DNAH7: variants seen among roughly 807,000 people sequenced by gnomAD.
The protein encoded by DNAH7 is dynein axonemal heavy chain 7, also known as axonemal beta dynein heavy chain 7.
Under a neutral mutation model 444.6 loss-of-function variants are expected in DNAH7, and 397 were observed. The ratio of observed to expected loss-of-function variants is 0.89; its 90% CI spans 0.82 to 0.97. The LOEUF (loss-of-function observed/expected upper bound fraction) is 0.97, where lower values mean the gene tolerates loss of function less well. DNAH7 is among the 50% of genes least tolerant of loss of function. DNAH7 has a pLI of 0.00. For synonymous variants in DNAH7, 1,636 were observed against 1,624.4 expected (o/e 1.01, Z -0.17); for missense variants, 4,902 against 4,800.8 (o/e 1.02, Z -0.62).
At chr2:195,861,569 T>C (rs1055652477) in intron 42 of DNAH7, 148 bp downstream of exon 42, 1 of 649,732 alleles carries the variant, frequency 1.5e-6, no homozygotes, top group Non-Finnish European at 2.6e-6. Flanking sequence ...AAATTCAAAA[T>C]GTCTGTGGAT....
At chr2:195,832,297 C>T (rs996237251) in intron 48 of DNAH7, among the ~76,000 whole-genome samples, 1 of 152,080 alleles carries the variant, frequency 6.6e-6, no homozygotes, top group Non-Finnish European at 1.5e-5. Context: ...TCACAGAAAT[C>T]TCCAGAATGT....
chr2:195,920,200 AG>A (rs1211862685), intron 24 of DNAH7, among the ~76,000 whole-genome samples: 2 of 152,192 alleles, frequency 1.3e-5, no homozygotes, highest in Non-Finnish European at 2.9e-5. Flanking sequence ...TCACAGAACT[AG>A]AAAAAAAAAT....
Position 195,790,095 on chromosome 2 carries a change from C to A in DNAH7, c.10717-2924G>T, listed in dbSNP as rs151335103. Among the ~76,000 whole-genome samples the A allele has an allele frequency of 1.7e-3, 264 of 152,080 alleles. 1 individual carries two copies. The highest frequency in any genetic ancestry group is 1.9e-3 in the Non-Finnish European group (131 of 67,892). Reference sequence around the variant, plus strand: ...TATAATAGCTGCCTCCCACCCCACACAATACTTAAGAATACATTTAACTAA... The same window carrying A: ...TATAATAGCTGCCTCCCACCCCACAAAATACTTAAGAATACATTTAACTAA... On this transcript the variant is annotated intron_variant, in intron 57 of 64. Coordinates refer to ENST00000312428, the MANE Select transcript of DNAH7 (RefSeq NM_018897.3).
intron 17 of DNAH7, among the ~76,000 whole-genome samples, chr2:195,966,966 ATAAG>A (rs777236243): frequency 6.6e-6 from 1 of 151,944 alleles, no homozygotes; most frequent in Non-Finnish European, 1.5e-5. Flanking sequence ...ATTATTATTG[ATAAG>A]TAAGGAGTTA....
Position 195,934,662 on chromosome 2 carries a change from C to T in DNAH7, c.3400G>A (p.Ala1134Thr), listed in dbSNP as rs374966344. Residue 1134 changes from alanine (A) to threonine (T), a missense_variant, in exon 21 of 65, where the codon GCC (alanine) becomes ACC (threonine). Coordinates refer to ENST00000312428, the MANE Select transcript of DNAH7 (RefSeq NM_018897.3). ...VVELIEIIST[A>T]KARGQVEKWL... ...TTCTCCACTTGACCTCTGGCTTTGG[C>T]TGTTGAAATAATCTCTATGAGTTCT... 2 of 1,614,014 alleles carry T rather than the reference C, an allele frequency of 1.2e-6. No homozygotes were observed. The highest frequency in any genetic ancestry group is 1.3e-5 in the African/African-American group (1 of 74,938).
chr2:195,953,508 GT>G (rs1690413126), intron 19 of DNAH7, among the ~76,000 whole-genome samples: 1 of 152,204 alleles, frequency 6.6e-6, no homozygotes, highest in Non-Finnish European at 1.5e-5. Context: ...AGGTAGGAAC[GT>G]TTAAGTCTGC....
chr2:196,004,368 G>C (rs116803932), intron 10 of DNAH7, among the ~76,000 whole-genome samples: 2,368 of 152,248 alleles, frequency 0.016, 56 homozygotes, highest in African/African-American at 0.053. Flanking sequence ...AGTTGCTTCT[G>C]AGAGTAGATC....
intron 1 of DNAH7, chr2:196,068,255 T>C (rs1272968807): frequency 2.1e-5 from 4 of 191,092 alleles, no homozygotes; most frequent in Non-Finnish European, 4.3e-5. Context: ...GTTCTGATGT[T>C]TCCCCCGCTC....
chr2:195,909,732 C>T (rs1038171486), intron 25 of DNAH7, among the ~76,000 whole-genome samples: 2 of 152,172 alleles, frequency 1.3e-5, no homozygotes, highest in African/African-American at 2.4e-5. Context: ...ACGACCTTTA[C>T]ACGATGCAAT....
chr2:195,989,594 G>C (rs1295205630), intron 12 of DNAH7, among the ~76,000 whole-genome samples: 1 of 152,160 alleles, frequency 6.6e-6, no homozygotes, highest in Non-Finnish European at 1.5e-5. Context: ...GTCAGACATT[G>C]ATATAGTTTG....
intron 9 of DNAH7, among the ~76,000 whole-genome samples, chr2:196,014,879 C>A (rs1030720547): frequency 3.3e-5 from 5 of 152,064 alleles, no homozygotes; most frequent in Non-Finnish European, 7.4e-5. Flanking sequence ...TCCTGGAGAC[C>A]TTTTCATATT....
At chr2:195,841,429 T>C (rs2124992747) in intron 47 of DNAH7, among the ~76,000 whole-genome samples, 1 of 152,080 alleles carries the variant, frequency 6.6e-6, no homozygotes, top group Non-Finnish European at 1.5e-5. Flanking sequence ...TGACTTCAGC[T>C]TATATTCAAT....
At chr2:195,834,453 T>G in intron 47 of DNAH7, 93 bp from the exon 48 acceptor site, 2 of 1,319,494 alleles carry the variant, frequency 1.5e-6, no homozygotes, top group Non-Finnish European at 2.0e-6. Context: ...TTTTAAAAGT[T>G]TGCCCTTTAT....
At chr2:195,790,382 AAAG>A (rs1410622979) in intron 57 of DNAH7, among the ~76,000 whole-genome samples, 1 of 152,166 alleles carries the variant, frequency 6.6e-6, no homozygotes, top group Non-Finnish European at 1.5e-5. Context: ...TCCTAAGCAA[AAAG>A]AAGAATACCA....
intron 22 of DNAH7, among the ~76,000 whole-genome samples, chr2:195,924,122 T>A (rs72915198): frequency 0.011 from 1,699 of 152,288 alleles, 16 homozygotes; most frequent in Non-Finnish European, 0.016. Flanking sequence ...ATGGAGGGGA[T>A]GTGTGACTAA....
In DNAH7 at chr2:195,987,110, T is replaced by C; in HGVS notation, c.1710A>G (p.Lys570=). 1.2e-6 allele frequency: 2 copies of C among 1,608,440 alleles called. No individual in the cohort carries two copies. Among genetic ancestry groups the C allele is most frequent in the South Asian group, 1.1e-5 (1 of 89,562 alleles). ...LVKRADIICG[K]LLAKMFRDHQ... is the part of the protein sequence containing the mutation. ...GATCTCTGAACATTTTAGCTAGAAGTTTCCCACAAATAATATCTGCTCGCT... is the reference window on the plus strand; with the variant it reads ...GATCTCTGAACATTTTAGCTAGAAGCTTCCCACAAATAATATCTGCTCGCT... Residue 570 remains lysine, a synonymous_variant, in exon 14 of 65, where the codon AAA becomes AAG. Transcript: ENST00000312428.
intron 16 of DNAH7, among the ~76,000 whole-genome samples, chr2:195,971,429 C>G (rs115560156): frequency 1.5e-3 from 221 of 152,244 alleles, no homozygotes; most frequent in African/African-American, 5.1e-3. Context: ...ATGATCCCAT[C>G]AGGAGGCAGA....
At chr2:195,764,345 A>G (rs1258296134) in intron 61 of DNAH7, among the ~76,000 whole-genome samples, 2 of 152,136 alleles carry the variant, frequency 1.3e-5, no homozygotes, top group African/African-American at 4.8e-5. Flanking sequence ...AAGGATGTCC[A>G]CTTTCACAAC....
Position 195,816,839 on chromosome 2 carries a change from G to A in DNAH7, c.9550C>T (p.Gln3184Ter). Reference protein sequence around the residue: ...SSKALANEISQKQEVAEETEK... With the variant: ...SSKALANEIS ...GTCTCTTCGGCTACTTCCTGCTTCT[G>A]AGAAATCTCATTAGCCAAGGCCTTG... Residue 3184 changes from glutamine to a stop codon, truncating the protein, a stop_gained, in exon 51 of 65, where the codon CAG (glutamine) becomes TAG (stop). Transcript: ENST00000312428. LOFTEE classifies it high-confidence loss of function. 6.2e-7 allele frequency: 1 copy of A among 1,614,104 alleles called. No individual in the cohort carries two copies.
Sources: allele counts gnomAD v4.1 joint callset (sites outside exome capture counted in the v4.1 genomes callset), GRCh38; gene constraint gnomAD v4.1.1; transcripts MANE v1.5; gene names NCBI Gene and HGNC (gene_info 2026-07-23, HGNC 2026-07-21).